The following EFCAB8 variants were observed in gnomAD, a reference collection of about 807,000 sequenced individuals.
EFCAB8 encodes EF-hand calcium-binding domain-containing protein 8.
Under a neutral mutation model 116.3 loss-of-function variants are expected in EFCAB8, and 100 were observed. The observed-to-expected ratio is 0.86, with a 90% CI of 0.73 to 1.02. The LOEUF is 1.02. Ranked by LOEUF, EFCAB8 falls within the 50% of genes least tolerant of loss-of-function variation. The probability of loss-of-function intolerance (pLI) is 0.00; values close to 1 mark genes in which losing one functional copy is unlikely to be tolerated. For missense variants in EFCAB8, 1,320 were observed against 1,416.9 expected, an observed-to-expected ratio of 0.93 and a Z score of 1.10; for synonymous variants, 558 against 567.9, an observed-to-expected ratio of 0.98 and a Z score of 0.25.
intron 6 of EFCAB8, among the ~76,000 whole-genome samples, chr20:32,886,372 T>C (rs1387001503): frequency 6.6e-6 from 1 of 152,136 alleles, no homozygotes; most frequent in Non-Finnish European, 1.5e-5. Context: ...CACTGTGTAC[T>C]TGGTCGCCAG....
At chr20:32,926,951 A>T (rs1355615397) in intron 20 of EFCAB8, among the ~76,000 whole-genome samples, 3 of 151,138 alleles carry the variant, frequency 2.0e-5, no homozygotes, top group Non-Finnish European at 4.4e-5. Context: ...TGCTATTGTG[A>T]ATAATGCCGC....
intron 6 of EFCAB8, among the ~76,000 whole-genome samples, chr20:32,888,896 G>A (rs1005556825): frequency 1.3e-5 from 2 of 151,268 alleles, no homozygotes; most frequent in Non-Finnish European, 2.9e-5. Flanking sequence ...CCATAGAAAT[G>A]TCTTGGAAAC....
At chr20:32,890,845 G>GGTGA (rs1399879333) in intron 7 of EFCAB8, among the ~76,000 whole-genome samples, 1 of 152,234 alleles carries the variant, frequency 6.6e-6, no homozygotes, top group Non-Finnish European at 1.5e-5. Context: ...ATGACTCCAG[G>GGTGA]GTGAGTGTGG....
Position 32,896,457 on chromosome 20 carries a change from A to G in EFCAB8, c.887A>G (p.His296Arg), listed in dbSNP as rs1233233252. 2.8e-6 allele frequency: 2 copies of G among 718,816 alleles called. No homozygotes were observed. Among genetic ancestry groups the G allele is most frequent in the East Asian group, 2.7e-5 (1 of 37,306 alleles). The allele number at this position is 718,816 out of a possible 1,614,324, so 44.5% of individuals were successfully genotyped here. A position where few individuals can be genotyped will look rare whatever the true frequency, so the allele number is the denominator to read the frequency against. The stretch of plus-strand genomic sequence containing the variant: ...CCTTGGTTTTTTCCCCTATCAGATC[A>G]CTGGATCAAAGTTTCCTTGCAGAAA... ...RILPRASKWD[H>R]WIKVSLQKLL... is the part of the protein sequence containing the mutation. Residue 296 changes from histidine to arginine, a missense_variant, in exon 10 of 27, where the codon CAC becomes CGC. By Grantham distance (29) the His-to-Arg change is conservative. Transcript: ENST00000400522.
intron 18 of EFCAB8, 52 bp downstream of exon 18, chr20:32,917,557 A>C: frequency 1.3e-6 from 1 of 783,860 alleles, no homozygotes. Flanking sequence ...GCTGTGAACC[A>C]GAATCCTGTG....
chr20:32,858,932 A>T lies in EFCAB8; in HGVS notation c.-85A>T. On this transcript the variant is annotated 5_prime_UTR_variant, in exon 1 of 27. An upstream start codon of the reference 5' UTR is lost. Coordinates refer to ENST00000400522, the MANE Select transcript of EFCAB8 (RefSeq NM_001143967.2). ...AACAGCTGCCAATGTCTTTGTTGAGATGGGAGTTGGAAAGTGTTAGCACTT... is the reference window on the plus strand; with the variant it reads ...AACAGCTGCCAATGTCTTTGTTGAGTTGGGAGTTGGAAAGTGTTAGCACTT... 2 of 470,266 alleles carry T rather than the reference A, an allele frequency of 4.3e-6. No individual in the cohort carries two copies. Among genetic ancestry groups the T allele is most frequent in the Non-Finnish European group, 8.8e-6 (2 of 226,572 alleles). 29.1% of individuals were successfully genotyped at this position (470,266 alleles called of 1,614,324 possible).
At chr20:32,880,417 T>C (rs1392990261) in intron 5 of EFCAB8, among the ~76,000 whole-genome samples, 1 of 152,076 alleles carries the variant, frequency 6.6e-6, no homozygotes, top group Admixed American at 6.6e-5. Context: ...TACGAACGCC[T>C]GCCACCATGC....
At chr20:32,899,338 G>C (rs568355875) in intron 11 of EFCAB8, among the ~76,000 whole-genome samples, 2 of 149,416 alleles carry the variant, frequency 1.3e-5, no homozygotes, top group Non-Finnish European at 3.0e-5. Context: ...CCAGGAGGTG[G>C]AGCTTGCAGT....
In EFCAB8 at chr20:32,878,735, T is replaced by A; in HGVS notation, c.359T>A (p.Phe120Tyr). The change falls in exon 5 of 27, where the codon TTC becomes TAC. Residue 120 changes from phenylalanine (F) to tyrosine (Y), a missense_variant. Coordinates refer to ENST00000400522, the MANE Select transcript of EFCAB8 (RefSeq NM_001143967.2). ...TATGTGGATTACATGATGCGTGAGTTCCAGGGAAAAGAGGACATGCGAAAG... is the reference window on the plus strand; with the variant it reads ...TATGTGGATTACATGATGCGTGAGTACCAGGGAAAAGAGGACATGCGAAAG... ...QKYVDYMMRE[F>Y]QGKEDMRKSQ... 1 of 1,551,932 alleles carries A rather than the reference T, an allele frequency of 6.4e-7. No individual in the cohort carries two copies. Among genetic ancestry groups the A allele is most frequent in the Non-Finnish European group, 8.7e-7 (1 of 1,147,042 alleles).
chr20:32,931,118 A>G, intron 21 of EFCAB8, 60 bp from the exon 22 acceptor site: 1 of 1,399,508 alleles, frequency 7.1e-7, no homozygotes, highest in Non-Finnish European at 9.6e-7. Context: ...AGGAGCCCGC[A>G]GAGTGAGTTG....
intron 11 of EFCAB8, among the ~76,000 whole-genome samples, chr20:32,904,049 T>A (rs908093923): frequency 6.6e-6 from 1 of 152,118 alleles, no homozygotes; most frequent in African/African-American, 2.4e-5. Flanking sequence ...GGTGTCGTTC[T>A]GTTGCCCAGG....
chr20:32,880,562 T>C (rs984835626), intron 5 of EFCAB8, among the ~76,000 whole-genome samples: 1 of 152,184 alleles, frequency 6.6e-6, no homozygotes, highest in Non-Finnish European at 1.5e-5. Context: ...TGAGCCACTG[T>C]ACCCGGCAAT....
intron 11 of EFCAB8, among the ~76,000 whole-genome samples, chr20:32,905,593 C>A (rs1005884444): frequency 6.6e-6 from 1 of 151,870 alleles, no homozygotes; most frequent in Non-Finnish European, 1.5e-5. Flanking sequence ...AAGCCCATCT[C>A]TTCTAAAAAT....
In EFCAB8 at chr20:32,863,780, T is replaced by C; in HGVS notation, c.-10-3T>C. ...TTAAGTTGACTATGATTCCCTATTC[T>C]AGGTCAAGGCTAATGTCTTCTGAAG... On this transcript the variant is annotated splice_polypyrimidine_tract_variant and splice_region_variant and intron_variant, in intron 1 of 26. Coordinates refer to ENST00000400522, the MANE Select transcript of EFCAB8 (RefSeq NM_001143967.2). The C allele has an allele frequency of 6.4e-7, 1 of 1,550,790 alleles. No individual in the cohort carries two copies. The highest frequency in any genetic ancestry group is 1.2e-5 in the South Asian group (1 of 83,924).
intron 8 of EFCAB8, among the ~76,000 whole-genome samples, chr20:32,892,845 T>C (rs893335625): frequency 6.7e-6 from 1 of 148,682 alleles, no homozygotes; most frequent in African/African-American, 2.6e-5. Context: ...TTTTTTTTTT[T>C]TTCTTTTTTT....
In EFCAB8 at chr20:32,961,431, G is replaced by C; in HGVS notation, c.3689G>C (p.Arg1230Pro). The change falls in exon 27 of 27, where the codon CGG becomes CCG. Residue 1230 changes from arginine to proline, a missense_variant. Physicochemically the swap from Arg to Pro is moderately radical, Grantham distance 103 (BLOSUM62 -2). Transcript: ENST00000400522. ...ACGCCCCAGTTCTCCTTCTTGCTGC[G>C]GCCCCAGTCAGCCTCCACAGCCCAT... ...FLTPQFSFLL[R>P]PQSASTAHST... 6.9e-7 allele frequency: 1 copy of C among 1,457,012 alleles called. No homozygotes were observed. The highest frequency in any genetic ancestry group is 1.5e-5 in the South Asian group (1 of 67,986). The allele number at this position is 1,457,012 out of a possible 1,614,324, so 90.3% of individuals were successfully genotyped here.
intron 22 of EFCAB8, among the ~76,000 whole-genome samples, chr20:32,942,677 C>A (rs1444558351): frequency 6.6e-6 from 1 of 152,090 alleles, no homozygotes; most frequent in East Asian, 1.9e-4. Flanking sequence ...CAGTTTTTGT[C>A]CCCATTGTGA....
At chr20:32,954,743 C>T (rs1475712677) in intron 23 of EFCAB8, among the ~76,000 whole-genome samples, 1 of 152,152 alleles carries the variant, frequency 6.6e-6, no homozygotes, top group East Asian at 1.9e-4. Context: ...TAAAAAAAAT[C>T]ATAAATAGGT....
Position 32,899,416 on chromosome 20 carries a change from A to G in EFCAB8, c.1088+793A>G, listed in dbSNP as rs1986323551. On this transcript the variant is annotated intron_variant, in intron 11 of 26. Coordinates refer to ENST00000400522, the MANE Select transcript of EFCAB8 (RefSeq NM_001143967.2). The stretch of plus-strand genomic sequence containing the variant: ...TGAGACTCCGTCTCAAAAAAAAAAA[A>G]AAAAAGAAAAACCAATTAATCACAC... Among the ~76,000 whole-genome samples the G allele has an allele frequency of 1.3e-5, 2 of 151,368 alleles. 1 individual carries two copies. Among genetic ancestry groups the G allele is most frequent in the Admixed American group, 1.3e-4 (2 of 15,210 alleles).
Sources: allele counts gnomAD v4.1 joint callset (sites outside exome capture counted in the v4.1 genomes callset), GRCh38; gene constraint gnomAD v4.1.1; transcripts MANE v1.5; gene names NCBI Gene and HGNC (gene_info 2026-07-23, HGNC 2026-07-21).